RYR1: variants seen among roughly 807,000 people sequenced by gnomAD.
The protein encoded by RYR1 is central core disease of muscle.
Under a neutral mutation model 583.5 loss-of-function variants are expected in RYR1, and 342 were observed. The observed-to-expected ratio is 0.59, with a 90% CI of 0.54 to 0.64. The LOEUF (loss-of-function observed/expected upper bound fraction) is 0.64, where lower values mean the gene tolerates loss of function less well. Ranked by LOEUF, RYR1 falls within the 30% of genes least tolerant of loss-of-function variation. RYR1 has a pLI of 0.00. For missense variants in RYR1, 6,032 were observed against 6,917.2 expected (o/e 0.87, Z 4.54); for synonymous variants, 2,791 against 2,822.5 (o/e 0.99, Z 0.35).
rs1388550300 is a variant in RYR1, at chr19:38,443,605, C to A, written c.318C>A (p.Ile106=). 1 of 1,614,114 alleles carries A rather than the reference C, an allele frequency of 6.2e-7. No homozygotes were observed. Among genetic ancestry groups the A allele is most frequent in the Non-Finnish European group, 8.5e-7 (1 of 1,180,006 alleles). The change falls in exon 4 of 106, where the codon ATC becomes ATA. Residue 106 remains isoleucine (I), a synonymous_variant. Coordinates refer to ENST00000359596, the MANE Select transcript of RYR1 (RefSeq NM_000540.3). The part of the protein sequence containing the change: ...GHRTLLYGHA[I]LLRHAHSRMY... ...GGACGCTCCTGTATGGCCATGCCAT[C>A]CTGCTCCGGCATGCACACAGCCGCA...
At chr19:38,511,665 G>A (rs376941176) in intron 61 of RYR1, 55 bp downstream of exon 61, 68 of 1,575,894 alleles carry the variant, frequency 4.3e-5, no homozygotes, top group Non-Finnish European at 5.6e-5. Context: ...TCCCCACCCT[G>A]AAGAAATAGC....
At position 38,578,183 on chromosome 19, in the gene RYR1, C is replaced by T. The variant is rs772641878; in HGVS notation, c.14343C>T (p.Phe4781=). 26 of 1,613,448 alleles carry T rather than the reference C, an allele frequency of 1.6e-5. No individual in the cohort carries two copies. Among genetic ancestry groups the T allele is most frequent in the East Asian group, 6.7e-5 (3 of 44,856 alleles). ...ATGTCAAGTACCAGATCTGGAAGTT[C>T]GGGGTCATCTTCACAGACAACGTGA... ...SIDVKYQIWK[F]GVIFTDNSFL... is the part of the protein sequence containing the mutation. Residue 4781 remains phenylalanine, a synonymous_variant, in exon 99 of 106, where the codon TTC becomes TTT. Coordinates refer to ENST00000359596, the MANE Select transcript of RYR1 (RefSeq NM_000540.3).
rs755288994 is a variant in RYR1 at position 38,490,674 on chromosome 19, C to T, written c.6069C>T (p.Leu2023=). 3.1e-6 allele frequency: 5 copies of T among 1,613,624 alleles called. No homozygotes were observed. Among genetic ancestry groups the T allele is most frequent in the Non-Finnish European group, 4.2e-6 (5 of 1,179,630 alleles). The stretch of plus-strand genomic sequence containing the variant: ...GTACAGATGAGGAAGACTGTCCTCT[C>T]CCTGAAGAGATTCGACAGGATTTGC... The part of the protein sequence containing the change: ...KDGTDEEDCP[L]PEEIRQDLLD... Residue 2023 remains leucine (L), a synonymous_variant, in exon 37 of 106, where the codon CTC becomes CTT. Transcript: ENST00000359596.
chr19:38,494,078 A>G (rs1380994279), intron 38 of RYR1, among the ~76,000 whole-genome samples: 1 of 152,134 alleles, frequency 6.6e-6, no homozygotes, highest in African/African-American at 2.4e-5. Flanking sequence ...CCACAGTAGG[A>G]GGATCACTTG....
At chr19:38,503,450 A>G (rs1403816355) in intron 49 of RYR1, among the ~76,000 whole-genome samples, 1 of 152,206 alleles carries the variant, frequency 6.6e-6, no homozygotes, top group Non-Finnish European at 1.5e-5. Flanking sequence ...ACTATTTTGC[A>G]TAATACATCG....
chr19:38,511,428 T>C, intron 60 of RYR1, 133 bp from the exon 61 acceptor site: 4 of 899,974 alleles, frequency 4.4e-6, no homozygotes, highest in Non-Finnish European at 7.3e-6. Context: ...TCTCCATCAT[T>C]TGGACCCCCT....
rs751853538 is a variant in RYR1 at position 38,446,673 on chromosome 19, C to G, written c.726-21C>G. The G allele has an allele frequency of 1.9e-6, 3 of 1,612,284 alleles. No individual in the cohort carries two copies. The South Asian group carries it at 3.3e-5, about 18-fold the overall frequency. On this transcript the variant is annotated intron_variant, in intron 8 of 105. Transcript: ENST00000359596. ...TTCCGGGGAGCTGAACCCTTGACTTCACTCTCTTCTGTGTCCCCAGACTTG... is the reference window on the plus strand; with the variant it reads ...TTCCGGGGAGCTGAACCCTTGACTTGACTCTCTTCTGTGTCCCCAGACTTG...
In RYR1 at chr19:38,546,435, G is replaced by A; in HGVS notation, c.12013-10G>A. ...GCTGAGACCAGCCCTCACCGAGCTGGGATCTCTAGGACTCAAGCCAGATCG... is the reference window on the plus strand; with the variant it reads ...GCTGAGACCAGCCCTCACCGAGCTGAGATCTCTAGGACTCAAGCCAGATCG... On this transcript the variant is annotated splice_polypyrimidine_tract_variant and intron_variant, in intron 87 of 105. Transcript: ENST00000359596. 3.7e-6 allele frequency: 6 copies of A among 1,613,320 alleles called. No homozygotes were observed. Among genetic ancestry groups the A allele is most frequent in the Non-Finnish European group, 5.1e-6 (6 of 1,179,446 alleles).
Position 38,455,443 on chromosome 19 carries a change from C to T in RYR1, c.1577-8C>T, listed in dbSNP as rs755673252. ...TCCTATTGGATCTGACACCTCTTCCCCCCTCAGCTTCTCTAATCCGTGGCA... is the reference window on the plus strand; with the variant it reads ...TCCTATTGGATCTGACACCTCTTCCTCCCTCAGCTTCTCTAATCCGTGGCA... On this transcript the variant is annotated splice_region_variant and splice_polypyrimidine_tract_variant and intron_variant, in intron 14 of 105. Coordinates refer to ENST00000359596, the MANE Select transcript of RYR1 (RefSeq NM_000540.3). The T allele has an allele frequency of 5.0e-6, 8 of 1,614,132 alleles. No homozygotes were observed. Among genetic ancestry groups the T allele is most frequent in the South Asian group, 1.1e-5 (1 of 91,078 alleles).
At chr19:38,473,817 A>AC in intron 28 of RYR1, 46 bp downstream of exon 28, 1 of 1,401,790 alleles carries the variant, frequency 7.1e-7, no homozygotes, top group Non-Finnish European at 9.5e-7. Flanking sequence ...CTGCCTTGGG[A>AC]CCCCCAAGTA....
In RYR1 at chr19:38,482,739, C is replaced by T. The variant is rs78991837; in HGVS notation, c.4621-288C>T. ...TTCTAGGATTACAGGTGTGAGCCATCACACTCTCTGGGTTTTGAATGAGTA... is the reference window on the plus strand; with the variant it reads ...TTCTAGGATTACAGGTGTGAGCCATTACACTCTCTGGGTTTTGAATGAGTA... On this transcript the variant is annotated intron_variant, in intron 31 of 105. Coordinates refer to ENST00000359596, the MANE Select transcript of RYR1 (RefSeq NM_000540.3). Among the ~76,000 whole-genome samples, 4,022 of 152,176 alleles carry T rather than the reference C, an allele frequency of 0.026. 178 individuals carry two copies. The highest frequency in any genetic ancestry group is 0.09 in the African/African-American group (3,745 of 41,514).
chr19:38,486,353 A>G (rs552668864), intron 34 of RYR1, 151 bp downstream of exon 34: 9 of 1,104,064 alleles, frequency 8.2e-6, no homozygotes, highest in African/African-American at 1.6e-5. Context: ...TTTTATTATT[A>G]TTATTTTTTC....
At position 38,453,159 on chromosome 19, in the gene RYR1, C is replaced by T. The variant is rs60491875; in HGVS notation, c.1440+145C>T. 1.2e-3 allele frequency: 741 copies of T among 627,092 alleles called. 2 individuals carry two copies. The African/African-American group carries it at 0.013, about 11-fold the overall frequency. 38.8% of individuals were successfully genotyped at this position (627,092 alleles called of 1,614,324 possible). A position where few individuals can be genotyped will look rare whatever the true frequency, so the allele number is the denominator to read the frequency against. On this transcript the variant is annotated intron_variant, in intron 13 of 105. Coordinates refer to ENST00000359596, the MANE Select transcript of RYR1 (RefSeq NM_000540.3). Reference sequence around the variant, plus strand: ...AAGGGGGCGGGGCAGGAGAAGGAGCCGGACAGGAACCCCAGCCAGTGAGAA... The same window carrying T: ...AAGGGGGCGGGGCAGGAGAAGGAGCTGGACAGGAACCCCAGCCAGTGAGAA...
In RYR1 at chr19:38,490,201, C is replaced by T. The variant is rs1252221951; in HGVS notation, c.5940C>T (p.Leu1980=). ...QANQRSRYGL[L]IKAFSMTAAE... is the part of the protein sequence containing the mutation. Reference sequence around the variant, plus strand: ...ACCAGCGGAGCCGCTATGGCCTCCTCATAAAAGCCTTCAGCATGACCGCAG... The same window carrying T: ...ACCAGCGGAGCCGCTATGGCCTCCTTATAAAAGCCTTCAGCATGACCGCAG... Residue 1980 remains leucine, a synonymous_variant, in exon 36 of 106, where the codon CTC becomes CTT. Coordinates refer to ENST00000359596, the MANE Select transcript of RYR1 (RefSeq NM_000540.3). 1.9e-6 allele frequency: 3 copies of T among 1,614,218 alleles called. No homozygotes were observed. The Admixed American group carries it at 5.0e-5, about 27-fold the overall frequency.
chr19:38,561,450 C>T lies in RYR1; in HGVS notation c.12620C>T (p.Pro4207Leu). Residue 4207 changes from proline (P) to leucine (L), a missense_variant, in exon 90 of 106, where the codon CCC (proline) becomes CTC (leucine). Pro to Leu is a moderately conservative substitution (Grantham distance 98). Around this residue, in one of 11 missense-constraint regions of RYR1, gnomAD observed 753 missense variants for 759.6 expected, o/e 0.99. Coordinates refer to ENST00000359596, the MANE Select transcript of RYR1 (RefSeq NM_000540.3). The surrounding 1 kb of genome is among the most constrained non-coding windows in gnomAD (Gnocchi z 4.8). ...SETNRAQWEM[P>L]QVKESKRQFI... ...ACCAACCGCGCCCAGTGGGAGATGC[C>T]CCAGGTCAGGGAACCCGCGCGCGTG... 1 of 1,606,592 alleles carries T rather than the reference C, an allele frequency of 6.2e-7. No individual in the cohort carries two copies. The highest frequency in any genetic ancestry group is 1.1e-5 in the South Asian group (1 of 91,040).
rs184246914 is a variant in RYR1 at position 38,471,806 on chromosome 19, G to T, written c.3766-1571G>T. Among the ~76,000 whole-genome samples, 434 of 150,562 alleles carry T rather than the reference G, an allele frequency of 2.9e-3. 3 individuals carry two copies. Among genetic ancestry groups the T allele is most frequent in the African/African-American group, 0.01 (412 of 40,788 alleles). ...AATCCCAGTTACTCGGGAGGCTGAGGCAGGAGAATTGCTTGAACCCAGGAG... is the reference window on the plus strand; with the variant it reads ...AATCCCAGTTACTCGGGAGGCTGAGTCAGGAGAATTGCTTGAACCCAGGAG... On this transcript the variant is annotated intron_variant, in intron 27 of 105. Transcript: ENST00000359596.
chr19:38,505,026 A>G lies in RYR1; in HGVS notation c.8255A>G (p.Asp2752Gly). ...AGTGTGATCATCCCGGAGAAGCTGG[A>G]CTCCTTCATTAACAAGTTTGCGGAG... ...TLNVIIPEKL[D>G]SFINKFAEYT... Residue 2752 changes from aspartate to glycine, a missense_variant, in exon 52 of 106, where the codon GAC (aspartate) becomes GGC (glycine). Transcript: ENST00000359596. 6.2e-7 allele frequency: 1 copy of G among 1,613,888 alleles called. No homozygotes were observed. Among genetic ancestry groups the G allele is most frequent in the South Asian group, 1.1e-5 (1 of 91,068 alleles).
At chr19:38,528,201 C>A in intron 73 of RYR1, 105 bp from the exon 74 acceptor site, 1 of 952,088 alleles carries the variant, frequency 1.1e-6, no homozygotes, top group South Asian at 1.4e-5. Context: ...CCGTGTGAGT[C>A]TTAACCTGAA....
chr19:38,468,876 G>A, intron 25 of RYR1, 90 bp from the exon 26 acceptor site: 1 of 1,375,178 alleles, frequency 7.3e-7, no homozygotes, highest in Non-Finnish European at 1.0e-6. Context: ...TCGAATGTCT[G>A]TCTTCATATA....
Sources: allele counts gnomAD v4.1 joint callset (sites outside exome capture counted in the v4.1 genomes callset), GRCh38; gene constraint gnomAD v4.1.1; regional missense constraint gnomAD v4.1.1; non-coding constraint Gnocchi (gnomAD v3.1); transcripts MANE v1.5; gene names NCBI Gene and HGNC (gene_info 2026-07-23, HGNC 2026-07-21).